Variants in RAPH1 observed in about 807,000 individuals in gnomAD.
RAPH1 encodes Ras association (RalGDS/AF-6) and pleckstrin homology domains 1.
In RAPH1, 18 loss-of-function variants were observed where a neutral mutation model predicts 88.1. The ratio of observed to expected loss-of-function variants is 0.20; its 90% CI spans 0.14 to 0.30. The LOEUF (loss-of-function observed/expected upper bound fraction) is 0.30, where lower values mean the gene tolerates loss of function less well. RAPH1 is among the 10% of genes least tolerant of loss of function. RAPH1 has a pLI of 1.00. For synonymous variants in RAPH1, 587 were observed against 559.0 expected, an observed-to-expected ratio of 1.05 and a Z score of -0.71; for missense variants, 1,448 against 1,543.2, an observed-to-expected ratio of 0.94 and a Z score of 1.03.
chr2:203,446,012 GTTACA>G (rs1179385445), intron 12 of RAPH1: 2 of 152,078 alleles, frequency 1.3e-5, no homozygotes, highest in Admixed American at 1.3e-4. Flanking sequence ...TTATTAACAT[GTTACA>G]TTACTATACT....
chr2:203,507,166 G>T (rs1689130920), intron 1 of RAPH1, among the ~76,000 whole-genome samples: 1 of 150,850 alleles, frequency 6.6e-6, no homozygotes, highest in African/African-American at 2.4e-5. Context: ...CAAAGTGCTG[G>T]GATTACAGGT....
intron 1 of RAPH1, among the ~76,000 whole-genome samples, chr2:203,510,240 G>A (rs1014781499): frequency 3.4e-5 from 5 of 145,760 alleles, no homozygotes; most frequent in African/African-American, 5.1e-5. Context: ...GGAGGCTAAC[G>A]TAGGAAAATT....
chr2:203,483,233 TAG>T (rs1417137095), intron 4 of RAPH1, among the ~76,000 whole-genome samples: 1 of 152,162 alleles, frequency 6.6e-6, no homozygotes, highest in Admixed American at 6.5e-5. Context: ...GTGTGGATGA[TAG>T]ACTGTTAAGG....
At position 203,439,625 on chromosome 2, in the gene RAPH1, A is replaced by G. The variant is rs1248822312; in HGVS notation, c.3565T>C (p.Ser1189Pro). The G allele has an allele frequency of 1.9e-6, 3 of 1,614,012 alleles. No individual in the cohort carries two copies. Among genetic ancestry groups the G allele is most frequent in the East Asian group, 2.2e-5 (1 of 44,860 alleles). ...ATGGTGGCTGTTGGTTCTGCTCTGG[A>G]CATGCGGGAGGAGAGTGAGCCGTGC... Reference protein sequence around the residue: ...TRHGSLSSRMSRAEPTATMDD... With the variant: ...TRHGSLSSRMPRAEPTATMDD... Residue 1189 changes from serine to proline, a missense_variant, in exon 14 of 14, where the codon TCC becomes CCC. By Grantham distance (74) the Ser-to-Pro change is moderately conservative. Transcript: ENST00000319170.
intron 1 of RAPH1, among the ~76,000 whole-genome samples, chr2:203,525,272 G>A (rs1004842033): frequency 6.6e-6 from 1 of 152,218 alleles, no homozygotes; most frequent in Non-Finnish European, 1.5e-5. Context: ...TGCAGCCTCC[G>A]CCTCCTGGGT....
chr2:203,458,420 C>T (rs1357891473), intron 7 of RAPH1, among the ~76,000 whole-genome samples: 3 of 152,158 alleles, frequency 2.0e-5, no homozygotes, highest in African/African-American at 7.2e-5. Flanking sequence ...CATTAGTACA[C>T]AGTCATCCCT....
chr2:203,528,068 T>C (rs758270780), intron 1 of RAPH1, among the ~76,000 whole-genome samples: 4 of 152,192 alleles, frequency 2.6e-5, no homozygotes, highest in Non-Finnish European at 5.9e-5. Flanking sequence ...AATTTAAAGA[T>C]GAAGTAAGCA....
At chr2:203,470,090 T>C (rs1201307825) in intron 4 of RAPH1, 6 of 524,890 alleles carry the variant, frequency 1.1e-5, no homozygotes, top group Non-Finnish European at 2.0e-5. Flanking sequence ...TTAAGATCAG[T>C]AAATAATTAC....
At chr2:203,450,009 C>A (rs866291416) in intron 10 of RAPH1, among the ~76,000 whole-genome samples, 18 of 138,522 alleles carry the variant, frequency 1.3e-4, no homozygotes, top group African/African-American at 4.6e-4. Flanking sequence ...GGTAACAGAG[C>A]GAGACTTCGT....
intron 4 of RAPH1, among the ~76,000 whole-genome samples, chr2:203,477,634 A>G (rs1473995137): frequency 6.6e-6 from 1 of 152,164 alleles, no homozygotes; most frequent in Non-Finnish European, 1.5e-5. Context: ...GAGGATCTTC[A>G]TCATTAGAAT....
In RAPH1 at chr2:203,441,129, T is replaced by C. The variant is rs760887785; in HGVS notation, c.2061A>G (p.Pro687=). The C allele has an allele frequency of 6.8e-6, 11 of 1,611,348 alleles. No homozygotes were observed. The highest frequency in any genetic ancestry group is 8.5e-6 in the Non-Finnish European group (10 of 1,179,216). ...ACTGTGACTGCATCACTGGGGGTGT[T>C]GGCGGCTTAAACAGGGCCCCTGAAT... is the stretch of plus-strand genomic sequence containing the variant. ...SQHSGALFKP[P]TPPVMQSQSV... Residue 687 remains proline, a synonymous_variant, in exon 14 of 14, where the codon CCA becomes CCG. Coordinates refer to ENST00000319170, the MANE Select transcript of RAPH1 (RefSeq NM_213589.3).
chr2:203,507,643 A>G (rs756794936), intron 1 of RAPH1, among the ~76,000 whole-genome samples: 11 of 152,214 alleles, frequency 7.2e-5, no homozygotes, highest in Non-Finnish European at 1.6e-4. Context: ...ATAATTGGCC[A>G]ACACTTTTCA....
rs2098511815 is a variant in RAPH1 at position 203,448,350 on chromosome 2, C to CG, written c.1513-272_1513-271insC. On this transcript the variant is annotated intron_variant, in intron 11 of 13. Coordinates refer to ENST00000319170, the MANE Select transcript of RAPH1 (RefSeq NM_213589.3). The surrounding 1 kb of genome is among the most constrained non-coding windows in gnomAD (Gnocchi z 4.1). ...CCCCAAATTCTTGATCCAAGGGCAGCTTTTTAGCACTCTTCAGGATACTGC... is the reference window on the plus strand; with the variant it reads ...CCCCAAATTCTTGATCCAAGGGCAGCGTTTTTAGCACTCTTCAGGATACTGC... Among the ~76,000 whole-genome samples the CG allele has an allele frequency of 6.6e-6, 1 of 152,116 alleles. No homozygotes were observed. Among genetic ancestry groups the CG allele is most frequent in the Admixed American group, 6.5e-5 (1 of 15,268 alleles).
Position 203,490,012 on chromosome 2 carries a change from T to C in RAPH1, c.304A>G (p.Ser102Gly), listed in dbSNP as rs1049773715. ...CGCTTACTGTTTCCTGAACCAATGC[T>C]GCTGAGCTCCTGCTCTATAGAGCAA... The part of the protein sequence containing the change: ...DLCSIEQELS[S>G]IGSGNSKRQI... The change falls in exon 4 of 14, where the codon AGC becomes GGC. Residue 102 changes from serine (S) to glycine (G), a missense_variant. Ser to Gly is a moderately conservative substitution (Grantham distance 56). This residue lies in a region of RAPH1 where 513 missense variants were observed against 653.1 expected (regional missense o/e 0.79). Coordinates refer to ENST00000319170, the MANE Select transcript of RAPH1 (RefSeq NM_213589.3). The C allele has an allele frequency of 6.2e-7, 1 of 1,614,128 alleles. No individual in the cohort carries two copies. The highest frequency in any genetic ancestry group is 8.5e-7 in the Non-Finnish European group (1 of 1,180,040).
At chr2:203,504,493 G>A (rs1688890507) in intron 1 of RAPH1, among the ~76,000 whole-genome samples, 1 of 152,164 alleles carries the variant, frequency 6.6e-6, no homozygotes, top group African/African-American at 2.4e-5. Context: ...ACAGCACAGG[G>A]ATCCTGGGCC....
chr2:203,445,090 T>A, intron 12 of RAPH1, 80 bp from the exon 13 acceptor site: 1 of 1,321,936 alleles, frequency 7.6e-7, no homozygotes, highest in Non-Finnish European at 1.1e-6. Flanking sequence ...TAGTTAGATC[T>A]TTTACACAAG....
chr2:203,484,210 A>G (rs1013861028), intron 4 of RAPH1, among the ~76,000 whole-genome samples: 2 of 152,182 alleles, frequency 1.3e-5, no homozygotes, highest in Non-Finnish European at 1.5e-5. Context: ...CTTAAATCTA[A>G]GAAGATTTGA....
rs748394112 is a variant in RAPH1 at position 203,441,126 on chromosome 2, T to C, written c.2064A>G (p.Thr688=). 7.5e-6 allele frequency: 12 copies of C among 1,607,836 alleles called. No homozygotes were observed. Among genetic ancestry groups the C allele is most frequent in the Non-Finnish European group, 1.0e-5 (12 of 1,178,152 alleles). ...QHSGALFKPP[T]PPVMQSQSVK... ...CTGACTGTGACTGCATCACTGGGGGTGTTGGCGGCTTAAACAGGGCCCCTG... is the reference window on the plus strand; with the variant it reads ...CTGACTGTGACTGCATCACTGGGGGCGTTGGCGGCTTAAACAGGGCCCCTG... Residue 688 remains threonine, a synonymous_variant, in exon 14 of 14, where the codon ACA becomes ACG. Transcript: ENST00000319170.
chr2:203,532,963 A>G (rs1178094651), intron 1 of RAPH1, among the ~76,000 whole-genome samples: 3 of 152,190 alleles, frequency 2.0e-5, no homozygotes, highest in Non-Finnish European at 2.9e-5. Context: ...AGATTCTACA[A>G]TGTGTAACCA....
Sources: allele counts gnomAD v4.1 joint callset (sites outside exome capture counted in the v4.1 genomes callset), GRCh38; gene constraint gnomAD v4.1.1; regional missense constraint gnomAD v4.1.1; non-coding constraint Gnocchi (gnomAD v3.1); transcripts MANE v1.5; gene names NCBI Gene and HGNC (gene_info 2026-07-23, HGNC 2026-07-21).